The following SCRG1 variants were observed in gnomAD, a reference collection of about 807,000 sequenced individuals.
SCRG1 encodes the protein stimulator of chondrogenesis 1, also known as scrapie-responsive protein 1.
A neutral mutation model predicts 7.7 loss-of-function variants in SCRG1; 3 were observed. That is an observed-to-expected ratio of 0.39 (90% CI 0.18 to 1.01). The LOEUF (loss-of-function observed/expected upper bound fraction) is 1.01. Ranked by LOEUF, SCRG1 falls within the 50% of genes least tolerant of loss-of-function variation. The pLI is 0.36. For synonymous variants in SCRG1, 46 were observed against 41.2 expected, an observed-to-expected ratio of 1.12 and a Z score of -0.44; for missense variants, 110 against 117.2, an observed-to-expected ratio of 0.94 and a Z score of 0.28.
chr4:173,485,010 A>ATATATATTATATAT, the SCRG1 span, among the ~76,000 whole-genome samples: 5 of 4,906 alleles, frequency 1.0e-3, no homozygotes, highest in African/African-American at 1.4e-3. Flanking sequence ...TATAAATATA[A>ATATATATTATATAT]TATATAATAT....
chr4:173,512,117 T>C, the SCRG1 span, among the ~76,000 whole-genome samples: 1 of 152,254 alleles, frequency 6.6e-6, no homozygotes, highest in Admixed American at 6.5e-5. Context: ...TGTGGGCCTT[T>C]GGCTTCCAGT....
the SCRG1 span, among the ~76,000 whole-genome samples, chr4:173,514,445 T>C: frequency 6.6e-6 from 1 of 152,238 alleles, no homozygotes; most frequent in African/African-American, 2.4e-5. Flanking sequence ...CCCCTTCACA[T>C]ACATCCTCTT....
At chr4:173,501,927 C>T in the SCRG1 span, among the ~76,000 whole-genome samples, 1 of 152,194 alleles carries the variant, frequency 6.6e-6, no homozygotes, top group Admixed American at 6.5e-5. This position sits in a 1 kb window ranked among gnomAD's most constrained non-coding sequence, Gnocchi z 5.1. Flanking sequence ...ATTGTCTCAG[C>T]ACCTACTTTG....
the SCRG1 span, among the ~76,000 whole-genome samples, chr4:173,483,032 T>C: frequency 1.6e-5 from 2 of 127,662 alleles, no homozygotes; most frequent in African/African-American, 3.0e-5. Flanking sequence ...ATATGTAATA[T>C]ATTTCATGTA....
Position 173,388,277 on chromosome 4 carries a change from T to G in SCRG1, c.*64A>C, listed in dbSNP as rs1439326548. On this transcript the variant is annotated 3_prime_UTR_variant, in exon 3 of 3. Transcript: ENST00000296506. The stretch of plus-strand genomic sequence containing the variant: ...ACTATATAGAAACTAGAAATGCAGT[T>G]ATACTGATGTAGTGCAGTTTGTGGG... The G allele has an allele frequency of 2.7e-6, 3 of 1,118,530 alleles. No individual in the cohort carries two copies. Among genetic ancestry groups the G allele is most frequent in the Non-Finnish European group, 4.0e-6 (3 of 745,712 alleles). 69.3% of individuals were successfully genotyped at this position (1,118,530 alleles called of 1,614,324 possible).
the SCRG1 span, among the ~76,000 whole-genome samples, chr4:173,497,471 AT>A: frequency 1.3e-5 from 2 of 151,964 alleles, no homozygotes; most frequent in Non-Finnish European, 2.9e-5. Context: ...CCGGGAAAAC[AT>A]ATCATGACTG....
At chr4:173,467,174 A>C in the SCRG1 span, among the ~76,000 whole-genome samples, 3 of 152,312 alleles carry the variant, frequency 2.0e-5, no homozygotes, top group South Asian at 4.1e-4. Flanking sequence ...CATTTTTCTT[A>C]ATGTATCATG....
chr4:173,451,144 C>A, the SCRG1 span, among the ~76,000 whole-genome samples: 1 of 151,788 alleles, frequency 6.6e-6, no homozygotes, highest in Non-Finnish European at 1.5e-5. Context: ...AGAAGTCAGG[C>A]AGAGATTCCT....
chr4:173,479,456 T>TTG, the SCRG1 span, among the ~76,000 whole-genome samples: 1 of 150,386 alleles, frequency 6.6e-6, no homozygotes, highest in African/African-American at 2.4e-5. Flanking sequence ...TTTTTTTTTT[T>TTG]TTGAGACAGA....
chr4:173,418,866 T>C, the SCRG1 span, among the ~76,000 whole-genome samples: 1 of 152,160 alleles, frequency 6.6e-6, no homozygotes, highest in African/African-American at 2.4e-5. Flanking sequence ...ACATGCCTGC[T>C]TCCCCTTCAC....
Position 173,387,149 on chromosome 4 carries a change from T to A in SCRG1, c.*1192A>T, listed in dbSNP as rs1739268376. On this transcript the variant is annotated 3_prime_UTR_variant, in exon 3 of 3. Transcript: ENST00000296506. ...TCTTAAAAATGGATACTTTAGGAAA[T>A]GTATCATGGTTTTAAGGATACATCT... is the stretch of plus-strand genomic sequence containing the variant. The A allele has an allele frequency of 6.6e-6, 1 of 152,182 alleles. No homozygotes were observed. Among genetic ancestry groups the A allele is most frequent in the African/African-American group, 2.4e-5 (1 of 41,426 alleles). The allele number at this position is 152,182 out of a possible 1,614,324, so 9.4% of individuals were successfully genotyped here.
chr4:173,514,669 T>G, the SCRG1 span, among the ~76,000 whole-genome samples: 1 of 152,206 alleles, frequency 6.6e-6, no homozygotes, highest in African/African-American at 2.4e-5. Context: ...GGCTGCTGGA[T>G]GCCAAAAAGA....
chr4:173,400,069 G>C (rs1336623486), upstream of SCRG1, among the ~76,000 whole-genome samples: 1 of 152,160 alleles, frequency 6.6e-6, no homozygotes, highest in Non-Finnish European at 1.5e-5. Flanking sequence ...TTTTTATCGT[G>C]AAGATGAATG....
the SCRG1 span, among the ~76,000 whole-genome samples, chr4:173,476,363 A>AAAAAAAAAATATATATATATATATATAT: frequency 3.8e-4 from 37 of 98,494 alleles, no homozygotes; most frequent in East Asian, 7.3e-4. Flanking sequence ...GGAAAAAAAA[A>AAAAAAAAAATATATATATATATATATAT]ATATATATAT....
upstream of SCRG1, among the ~76,000 whole-genome samples, chr4:173,400,142 G>T (rs1477783951): frequency 3.3e-5 from 5 of 152,132 alleles, no homozygotes; most frequent in Admixed American, 6.5e-5. Context: ...AAGAAGGATG[G>T]TTTCCTGGGA....
chr4:173,510,757 C>G, the SCRG1 span, among the ~76,000 whole-genome samples: 2 of 152,132 alleles, frequency 1.3e-5, no homozygotes, highest in African/African-American at 4.8e-5. This position sits in a 1 kb window ranked among gnomAD's most constrained non-coding sequence, Gnocchi z 5.7. Flanking sequence ...CCTAGCTGTC[C>G]TCCATCCCGC....
At chr4:173,391,679 T>C (rs1739451079) in intron 1 of SCRG1, among the ~76,000 whole-genome samples, 1 of 152,172 alleles carries the variant, frequency 6.6e-6, no homozygotes, top group Non-Finnish European at 1.5e-5. Flanking sequence ...GCCTGTAATC[T>C]CAGCATGGGA....
At chr4:173,506,964 A>G in the SCRG1 span, among the ~76,000 whole-genome samples, 1 of 152,102 alleles carries the variant, frequency 6.6e-6, no homozygotes, top group South Asian at 2.1e-4. The surrounding 1 kb of genome is among the most constrained non-coding windows in gnomAD (Gnocchi z 5.3). Flanking sequence ...GGCTATGAGC[A>G]GGGCTTTAAA....
At chr4:173,469,048 A>G in the SCRG1 span, 7 of 152,192 alleles carry the variant, frequency 4.6e-5, no homozygotes, top group East Asian at 3.8e-4. Context: ...ACTTAAGGTT[A>G]ATTTTGCCAC....
Sources: gnomAD v4.1 joint callset for allele counts (sites outside exome capture counted in the v4.1 genomes callset) on GRCh38, gnomAD v4.1.1 for gene constraint, Gnocchi (gnomAD v3.1) non-coding constraint, MANE v1.5 for transcripts, NCBI Gene and HGNC (gene_info 2026-07-23, HGNC 2026-07-21) for gene names.